RELN: variants seen among roughly 807,000 people sequenced by gnomAD.
The protein encoded by RELN is reelin.
In RELN, 108 loss-of-function variants were observed where a neutral mutation model predicts 427.6. That is an observed-to-expected ratio of 0.25 (90% CI 0.22 to 0.30). The LOEUF is 0.30. Ranked by LOEUF, RELN falls within the 10% of genes least tolerant of loss-of-function variation. The pLI is 1.00. For synonymous variants in RELN, 1,524 were observed against 1,513.4 expected (o/e 1.01, Z -0.16); for missense variants, 3,715 against 4,302.8 (o/e 0.86, Z 3.82).
Position 103,610,841 on chromosome 7 carries a change from TTC to T in RELN, c.2896-36_2896-35del, listed in dbSNP as rs555808266. The stretch of plus-strand genomic sequence containing the variant: ...AAGTTAGGCACAAATCAAACCCAGC[TTC>T]TGTTTTCCTCAGGTGAAATATGTCT... On this transcript the variant is annotated intron_variant, in intron 21 of 64. Transcript: ENST00000428762. The T allele has an allele frequency of 1.7e-4, 215 of 1,269,050 alleles. No homozygotes were observed. In the African/African-American group the frequency reaches 2.9e-3, roughly 17 times the overall value. 78.6% of individuals were successfully genotyped at this position (1,269,050 alleles called of 1,614,324 possible).
chr7:103,853,420 A>G (rs1469410187), intron 2 of RELN, among the ~76,000 whole-genome samples: 5 of 152,042 alleles, frequency 3.3e-5, no homozygotes, highest in Non-Finnish European at 7.4e-5. Context: ...TATCATTCCA[A>G]GCATCAATCT....
chr7:103,698,964 G>T (rs572108471), intron 9 of RELN, among the ~76,000 whole-genome samples: 16 of 152,166 alleles, frequency 1.1e-4, no homozygotes, highest in Admixed American at 9.8e-4. Flanking sequence ...TGTGAGATTT[G>T]CCATAATTAA....
In RELN at chr7:103,930,651, T is replaced by C. The variant is rs1584377456; in HGVS notation, c.227-13466A>G. 2.6e-5 allele frequency among the ~76,000 whole-genome samples: 4 copies of C among 152,122 alleles called. No individual in the cohort carries two copies. In the South Asian group the frequency reaches 8.3e-4, roughly 32 times the overall value. ...AGCTAATTTTTAAAATTTTTCAGTA[T>C]AGACAAGGTATAGATATGTGGCCCA... On this transcript the variant is annotated intron_variant, in intron 1 of 64. Coordinates refer to ENST00000428762, the MANE Select transcript of RELN (RefSeq NM_005045.4).
At chr7:103,879,262 T>A (rs1331648433) in intron 2 of RELN, among the ~76,000 whole-genome samples, 2 of 152,224 alleles carry the variant, frequency 1.3e-5, no homozygotes, top group Admixed American at 1.3e-4. Context: ...ATAGAATAAT[T>A]GAGCTAATAC....
rs1231801635 is a variant in RELN, at chr7:103,659,029, G to A, written c.1441+2347C>T. On this transcript the variant is annotated intron_variant, in intron 12 of 64. Transcript: ENST00000428762. The stretch of plus-strand genomic sequence containing the variant: ...GTCTTATGCTACCTTCTGCTTGGGA[G>A]AACATAGCAGTTCTAGTGGCTCCAG... 4.0e-5 allele frequency among the ~76,000 whole-genome samples: 6 copies of A among 151,722 alleles called. No homozygotes were observed. The East Asian group carries it at 1.2e-3, about 30-fold the overall frequency.
intron 2 of RELN, among the ~76,000 whole-genome samples, chr7:103,838,149 C>T (rs1354252662): frequency 7.5e-6 from 1 of 133,336 alleles, no homozygotes; most frequent in Non-Finnish European, 1.5e-5. Flanking sequence ...GCGGAGCTTG[C>T]AGTGAGCCGA....
chr7:103,693,514 A>G (rs1307591281), intron 10 of RELN, among the ~76,000 whole-genome samples: 2 of 151,762 alleles, frequency 1.3e-5, no homozygotes, highest in Non-Finnish European at 2.9e-5. Flanking sequence ...AAGTATATAT[A>G]AAAAAAGAAC....
chr7:103,903,593 C>G (rs907855983), intron 2 of RELN, among the ~76,000 whole-genome samples: 6 of 152,074 alleles, frequency 3.9e-5, no homozygotes, highest in Non-Finnish European at 8.8e-5. Context: ...TCATAACTTA[C>G]AAAGCTTAGT....
At chr7:103,845,322 T>C (rs781146202) in intron 2 of RELN, among the ~76,000 whole-genome samples, 3 of 152,088 alleles carry the variant, frequency 2.0e-5, no homozygotes, top group East Asian at 1.9e-4. Context: ...ACCTGAAATA[T>C]AGGCATGCGT....
At chr7:103,498,400 C>T (rs1377688135) in intron 53 of RELN, 148 bp from the exon 54 acceptor site, 1 of 726,610 alleles carries the variant, frequency 1.4e-6, no homozygotes, top group African/African-American at 1.8e-5. Flanking sequence ...AGGCTATTTC[C>T]ACAATCTTTT....
rs1828999922 is a variant in RELN, at chr7:103,500,758, G to A, written c.8654C>T (p.Thr2885Ile). The A allele has an allele frequency of 1.2e-6, 2 of 1,613,938 alleles. No homozygotes were observed. The highest frequency in any genetic ancestry group is 1.7e-5 in the Admixed American group (1 of 59,982). Residue 2885 changes from threonine (T) to isoleucine (I), a missense_variant, in exon 53 of 65, where the codon ACC (threonine) becomes ATC (isoleucine). Around this residue, in one of 4 missense-constraint regions of RELN, gnomAD observed 1,310 missense variants for 1,643.0 expected, o/e 0.80. Coordinates refer to ENST00000428762, the MANE Select transcript of RELN (RefSeq NM_005045.4). ...CTTTACCCTTACCTTCAGAGTGTGG[G>A]TCAAGTAGCAGTTTGGCCCTGAGTA... ...PGYSGPNCYL[T>I]HTLKTFLKER...
intron 2 of RELN, among the ~76,000 whole-genome samples, chr7:103,876,743 T>C (rs1584323280): frequency 6.6e-6 from 1 of 151,770 alleles, no homozygotes. Context: ...ATTCAAAATA[T>C]AAAAAAATTA....
At chr7:103,641,652 C>T (rs370463171) in intron 16 of RELN, among the ~76,000 whole-genome samples, 1 of 152,100 alleles carries the variant, frequency 6.6e-6, no homozygotes, top group African/African-American at 2.4e-5. Context: ...TAATAATACT[C>T]CTTGGAGGAA....
chr7:103,838,303 A>C (rs1462895406), intron 2 of RELN, among the ~76,000 whole-genome samples: 1 of 152,158 alleles, frequency 6.6e-6, no homozygotes, highest in African/African-American at 2.4e-5. Flanking sequence ...TGGAAAAAAA[A>C]CAGAAATTAT....
At chr7:103,518,327 C>CTTT (rs767194919) in intron 49 of RELN, among the ~76,000 whole-genome samples, 3 of 106,498 alleles carry the variant, frequency 2.8e-5, no homozygotes, top group Admixed American at 2.0e-4. Flanking sequence ...TCTACGTTTC[C>CTTT]TTTTTTTTTT....
intron 2 of RELN, among the ~76,000 whole-genome samples, chr7:103,889,361 CAGA>C (rs1406055296): frequency 6.6e-6 from 1 of 152,182 alleles, no homozygotes; most frequent in Non-Finnish European, 1.5e-5. Context: ...CAACAGAGGA[CAGA>C]AGGTCAGCCA....
intron 4 of RELN, among the ~76,000 whole-genome samples, chr7:103,770,178 G>C (rs1199800888): frequency 6.6e-6 from 1 of 152,118 alleles, no homozygotes; most frequent in Non-Finnish European, 1.5e-5. Context: ...CCCACCTCCT[G>C]GGTTCAAGCA....
At chr7:103,715,058 T>C (rs931241955) in intron 8 of RELN, among the ~76,000 whole-genome samples, 6 of 152,168 alleles carry the variant, frequency 3.9e-5, no homozygotes, top group African/African-American at 1.4e-4. Context: ...ATTATTTGGA[T>C]AGGGAAGTCT....
chr7:103,796,881 AAAAAAAAAAAAAAG>A (rs928853692), intron 3 of RELN, among the ~76,000 whole-genome samples: 1 of 141,990 alleles, frequency 7.0e-6, no homozygotes, highest in African/African-American at 2.8e-5. Context: ...CTCACAAAAA[AAAAAAAAAAAAAAG>A]AAAGAAAGAA....
Sources: gnomAD v4.1 joint callset for allele counts (sites outside exome capture counted in the v4.1 genomes callset) on GRCh38, gnomAD v4.1.1 for gene constraint, gnomAD v4.1.1 regional missense constraint, MANE v1.5 for transcripts, NCBI Gene and HGNC (gene_info 2026-07-23, HGNC 2026-07-21) for gene names.